Variants in PCDHGA2 observed in about 807,000 individuals in gnomAD.
The protein encoded by PCDHGA2 is protocadherin gamma-A2.
Under a neutral mutation model 59.2 loss-of-function variants are expected in PCDHGA2, and 40 were observed. The ratio of observed to expected loss-of-function variants is 0.68; its 90% confidence interval spans 0.52 to 0.88. The LOEUF (loss-of-function observed/expected upper bound fraction) is 0.88. PCDHGA2 is among the 40% of genes least tolerant of loss of function. The probability of loss-of-function intolerance (pLI) is 0.00; values close to 1 mark genes in which losing one functional copy is unlikely to be tolerated. For missense variants in PCDHGA2, 1,226 were observed against 1,204.0 expected (o/e 1.02, Z -0.27); for synonymous variants, 560 against 526.0 (o/e 1.06, Z -0.89).
chr5:141,345,644 C>A, intron 1 of PCDHGA2: 1 of 1,614,206 alleles, frequency 6.2e-7, no homozygotes, highest in Non-Finnish European at 8.5e-7. Flanking sequence ...CCAGCGACAG[C>A]GGGAACCCTC....
intron 1 of PCDHGA2, among the ~76,000 whole-genome samples, chr5:141,458,992 C>G (rs1268862644): frequency 6.6e-6 from 1 of 152,190 alleles, no homozygotes; most frequent in African/African-American, 2.4e-5. Flanking sequence ...CTCACCCTCC[C>G]AAAGTGCTGG....
chr5:141,469,404 G>A (rs1439441297), intron 1 of PCDHGA2, among the ~76,000 whole-genome samples: 7 of 151,874 alleles, frequency 4.6e-5, no homozygotes, highest in African/African-American at 1.5e-4. Flanking sequence ...GTGAAACCCC[G>A]TTTCTACTAA....
At chr5:141,389,519 C>T in intron 1 of PCDHGA2, 1 of 1,613,156 alleles carries the variant, frequency 6.2e-7, no homozygotes, top group South Asian at 1.1e-5. Context: ...CGAACGTGAG[C>T]CTGCGCGTGT....
Position 141,341,032 on chromosome 5 carries a change from G to A in PCDHGA2, c.2061G>A (p.Ser687=), listed in dbSNP as rs142977117. Residue 687 remains serine, a synonymous_variant, in exon 1 of 4, where the codon TCG becomes TCA. Transcript: ENST00000394576. ...AGCCCTCCGCCATACCCAACGATTC[G>A]GACCTCACTCTGTACCTGGTGGTGG... The part of the protein sequence containing the change: ...SLEPSAIPND[S]DLTLYLVVAV... 4 of 1,614,112 alleles carry A rather than the reference G, an allele frequency of 2.5e-6. No individual in the cohort carries two copies. Among genetic ancestry groups the A allele is most frequent in the Non-Finnish European group, 3.4e-6 (4 of 1,180,010 alleles).
chr5:141,371,961 G>A (rs532361069), intron 1 of PCDHGA2: 18 of 1,613,240 alleles, frequency 1.1e-5, no homozygotes, highest in African/African-American at 2.7e-5. Context: ...CTTCGACCAC[G>A]AGCAGCTGCG....
At chr5:141,352,529 GCAAAGA>G (rs1300425805) in intron 1 of PCDHGA2, 1 of 1,613,988 alleles carries the variant, frequency 6.2e-7, no homozygotes, top group Non-Finnish European at 8.5e-7. Context: ...CTCTCATTCT[GCAAAGA>G]CAGAGTTTAA....
chr5:141,500,403 G>GT (rs2099800018), intron 2 of PCDHGA2, among the ~76,000 whole-genome samples: 1 of 151,706 alleles, frequency 6.6e-6, no homozygotes, highest in Non-Finnish European at 1.5e-5. Context: ...TAGAGACGGG[G>GT]TTTCACCGTG....
intron 1 of PCDHGA2, chr5:141,372,555 C>T: frequency 6.2e-7 from 1 of 1,614,046 alleles, no homozygotes; most frequent in Non-Finnish European, 8.5e-7. Context: ...CTCCTCCAGA[C>T]CCGCCACTGA....
At chr5:141,415,285 G>T in intron 1 of PCDHGA2, 1 of 1,614,216 alleles carries the variant, frequency 6.2e-7, no homozygotes. Flanking sequence ...GGTGGCCGCG[G>T]TCTCCTGCGT....
At chr5:141,372,690 A>G (rs1415110803) in intron 1 of PCDHGA2, 1 of 1,613,948 alleles carries the variant, frequency 6.2e-7, no homozygotes, top group East Asian at 2.2e-5. Context: ...CACCGAGTTT[A>G]AATTTCTCAA....
chr5:141,418,767 C>T (rs770275597), intron 1 of PCDHGA2: 1 of 1,613,850 alleles, frequency 6.2e-7, no homozygotes, highest in Non-Finnish European at 8.5e-7. Flanking sequence ...AACATTCTAA[C>T]TCAGCAGCCT....
intron 1 of PCDHGA2, among the ~76,000 whole-genome samples, chr5:141,433,995 CT>C (rs2097669147): frequency 2.6e-5 from 4 of 152,028 alleles, no homozygotes; most frequent in Admixed American, 2.0e-4. Flanking sequence ...GTTTTATATT[CT>C]CTATATATGT....
chr5:141,351,099 A>G (rs1291727909), intron 1 of PCDHGA2: 5 of 1,614,078 alleles, frequency 3.1e-6, no homozygotes, highest in Non-Finnish European at 3.4e-6. Context: ...GCCTTCCTCA[A>G]TTCCCCAATA....
intron 1 of PCDHGA2, chr5:141,383,945 T>G: frequency 6.2e-7 from 1 of 1,613,858 alleles, no homozygotes. Context: ...GAAGTGACTA[T>G]GACGTCTTTA....
rs747156698 is a variant in PCDHGA2 at position 141,385,112 on chromosome 5, C to T, written c.2424+43717C>T. ...GGTGGCTTGGCGAACGTGCCCACCT[C>T]GCACTTTGTGGGCATGGACGGGGTG... On this transcript the variant is annotated intron_variant, in intron 1 of 3. Coordinates refer to ENST00000394576, the MANE Select transcript of PCDHGA2 (RefSeq NM_018915.4). 6 of 1,614,200 alleles carry T rather than the reference C, an allele frequency of 3.7e-6. No homozygotes were observed. The highest frequency in any genetic ancestry group is 2.7e-5 in the African/African-American group (2 of 75,070).
chr5:141,407,478 A>G (rs1230151085), intron 1 of PCDHGA2, among the ~76,000 whole-genome samples: 1 of 144,006 alleles, frequency 6.9e-6, no homozygotes, highest in Non-Finnish European at 1.6e-5. Flanking sequence ...TGAATGGAGT[A>G]TGGAAAATCT....
At chr5:141,352,764 TG>T in intron 1 of PCDHGA2, 1 of 1,285,160 alleles carries the variant, frequency 7.8e-7, no homozygotes, top group African/African-American at 1.5e-5. Flanking sequence ...CTGAGGCAGG[TG>T]GATCACTTGA....
At chr5:141,467,728 C>A (rs2099150053) in intron 1 of PCDHGA2, among the ~76,000 whole-genome samples, 1 of 152,058 alleles carries the variant, frequency 6.6e-6, no homozygotes, top group Admixed American at 6.5e-5. Context: ...GTGGCACAAT[C>A]CCAGCTCGCT....
At chr5:141,384,417 C>CATGGAG (rs1451567690) in intron 1 of PCDHGA2, 1 of 1,613,844 alleles carries the variant, frequency 6.2e-7, no homozygotes, top group East Asian at 2.2e-5. Flanking sequence ...CCTATGTCTC[C>CATGGAG]ATAAACTCTG....
Sources: allele counts gnomAD v4.1 joint callset (sites outside exome capture counted in the v4.1 genomes callset), GRCh38; gene constraint gnomAD v4.1.1; transcripts MANE v1.5; gene names NCBI Gene and HGNC (gene_info 2026-07-23, HGNC 2026-07-21).